Variants in MMP26 observed in about 807,000 individuals in gnomAD.
MMP26 encodes matrix metalloproteinase-26.
Under a neutral mutation model 31.0 loss-of-function variants are expected in MMP26, and 33 were observed. That is an observed-to-expected ratio of 1.06 (90% CI 0.81 to 1.42). MMP26 has a LOEUF of 1.42. Ranked by LOEUF, MMP26 falls within the 40% of genes most tolerant of loss-of-function variation. The pLI, the probability that MMP26 is intolerant of heterozygous loss-of-function variation, is 0.00. For missense variants in MMP26, 347 were observed against 316.1 expected, an observed-to-expected ratio of 1.10 and a Z score of -0.74; for synonymous variants, 122 against 114.9, an observed-to-expected ratio of 1.06 and a Z score of -0.40.
At chr11:4,868,940 C>A (rs1850275183) in intron 2 of MMP26, among the ~76,000 whole-genome samples, 1 of 152,112 alleles carries the variant, frequency 6.6e-6, no homozygotes, top group South Asian at 2.1e-4. Context: ...TGATCTTTGA[C>A]AAACCTGACA....
chr11:4,944,084 C>T, intron 2 of MMP26: 1 of 453,290 alleles, frequency 2.2e-6, no homozygotes, highest in Non-Finnish European at 4.4e-6. Flanking sequence ...TGTACTACAA[C>T]CCCAAACCCA....
At chr11:4,943,633 AACCGAAG>A in intron 2 of MMP26, 1 of 368,568 alleles carries the variant, frequency 2.7e-6, no homozygotes, top group South Asian at 2.1e-5. Flanking sequence ...AGGTTGCAAC[AACCGAAG>A]ATGTCCCCAG....
intron 2 of MMP26, among the ~76,000 whole-genome samples, chr11:4,785,286 C>T (rs1367346669): frequency 1.3e-5 from 2 of 152,302 alleles, no homozygotes; most frequent in Non-Finnish European, 1.5e-5. Flanking sequence ...TATTTATCCT[C>T]TCTCTTAAGT....
intron 1 of MMP26, among the ~76,000 whole-genome samples, chr11:4,749,409 T>A (rs1173281637): frequency 6.6e-6 from 1 of 151,828 alleles, no homozygotes; most frequent in Non-Finnish European, 1.5e-5. Context: ...CAAAAATCAT[T>A]TTTTTCACAG....
At chr11:4,728,480 A>G (rs1287177696) in intron 1 of MMP26, among the ~76,000 whole-genome samples, 1 of 152,162 alleles carries the variant, frequency 6.6e-6, no homozygotes, top group Non-Finnish European at 1.5e-5. Context: ...CTGAAGGGCC[A>G]TTTCAGCCCT....
intron 1 of MMP26, among the ~76,000 whole-genome samples, chr11:4,732,842 C>T (rs970708949): frequency 3.9e-5 from 6 of 152,200 alleles, no homozygotes; most frequent in Admixed American, 6.5e-5. Context: ...ATGGTTCCAT[C>T]ACATTTTGTA....
In MMP26 at chr11:4,929,215, A is replaced by T. The variant is rs190949710; in HGVS notation, c.-144-58853A>T. 3.9e-5 allele frequency among the ~76,000 whole-genome samples: 6 copies of T among 152,236 alleles called. 1 individual carries two copies. Among genetic ancestry groups the T allele is most frequent in the Admixed American group, 1.3e-4 (2 of 15,250 alleles). On this transcript the variant is annotated intron_variant, in intron 2 of 7. Transcript: ENST00000380390. Reference sequence around the variant, plus strand: ...ACTTTAAGTTTTAGGGTACATGTGCACAACACATCATTTATGGGAATGGTA... The same window carrying T: ...ACTTTAAGTTTTAGGGTACATGTGCTCAACACATCATTTATGGGAATGGTA...
At position 4,817,545 on chromosome 11, in the gene MMP26, C is replaced by T. The variant is rs548061907; in HGVS notation, c.-145+50204C>T. On this transcript the variant is annotated intron_variant, in intron 2 of 7. Coordinates refer to ENST00000380390, the MANE Select transcript of MMP26 (RefSeq NM_021801.5). ...AAGGCTGCAGTGAGCCATGATTCTG[C>T]CATTGCACTCCATTCTGGGCAACAG... 4.6e-5 allele frequency among the ~76,000 whole-genome samples: 7 copies of T among 152,168 alleles called. No homozygotes were observed. The South Asian group carries it at 1.5e-3, about 32-fold the overall frequency.
At chr11:4,761,719 A>G (rs1848570798) in intron 1 of MMP26, among the ~76,000 whole-genome samples, 5 of 152,178 alleles carry the variant, frequency 3.3e-5, no homozygotes, top group South Asian at 2.1e-4. Context: ...TTGTTCTGCT[A>G]TATGTTTCTT....
In MMP26 at chr11:4,990,668, T is replaced by C. The variant is rs750635697; in HGVS notation, c.391T>C (p.Trp131Arg). Residue 131 changes from tryptophan to arginine, a missense_variant, in exon 5 of 8, where the codon TGG becomes CGG. By Grantham distance (101) the Trp-to-Arg change is moderately radical. Transcript: ENST00000380390. Reference protein sequence around the residue: ...KDSIYNAVSIWSNVTPLIFQQ... With the variant: ...KDSIYNAVSIRSNVTPLIFQQ... ...CAGTATATATAATGCAGTTTCCATC[T>C]GGAGCAATGTGACCCCTTTGATATT... is the stretch of plus-strand genomic sequence containing the variant. 11 of 1,614,042 alleles carry C rather than the reference T, an allele frequency of 6.8e-6. No individual in the cohort carries two copies. The Admixed American group carries it at 1.8e-4, about 27-fold the overall frequency.
In MMP26 at chr11:4,992,392, C is replaced by A. The variant is rs1173370197; in HGVS notation, c.*150C>A. On this transcript the variant is annotated 3_prime_UTR_variant, in exon 8 of 8. Coordinates refer to ENST00000380390, the MANE Select transcript of MMP26 (RefSeq NM_021801.5). ...AGGTTAGCTGAACCGACACTCAAAA[C>A]GCTACTGAGTCACAATAAAGATTGT... 3.0e-6 allele frequency: 2 copies of A among 666,618 alleles called. No homozygotes were observed. Among genetic ancestry groups the A allele is most frequent in the Non-Finnish European group, 5.2e-6 (2 of 383,676 alleles). The allele number at this position is 666,618 out of a possible 1,614,324, so 41.3% of individuals were successfully genotyped here.
At chr11:4,953,269 T>C (rs1412565819) in intron 2 of MMP26, among the ~76,000 whole-genome samples, 2 of 125,586 alleles carry the variant, frequency 1.6e-5, no homozygotes, top group Non-Finnish European at 3.6e-5. Context: ...CATGGTCTTA[T>C]TTTTAAAATC....
chr11:4,776,159 G>T (rs1848788618), intron 2 of MMP26, among the ~76,000 whole-genome samples: 1 of 152,024 alleles, frequency 6.6e-6, no homozygotes, highest in Non-Finnish European at 1.5e-5. Context: ...GTATTCCATT[G>T]TGCACATATG....
At chr11:4,958,302 G>A (rs1846471825) in intron 2 of MMP26, among the ~76,000 whole-genome samples, 2 of 152,122 alleles carry the variant, frequency 1.3e-5, no homozygotes, top group African/African-American at 2.4e-5. Context: ...TCTTGCTAGC[G>A]CGAACAATAA....
intron 1 of MMP26, among the ~76,000 whole-genome samples, chr11:4,731,907 A>G (rs745668424): frequency 5.3e-5 from 8 of 152,190 alleles, no homozygotes; most frequent in Non-Finnish European, 1.2e-4. Flanking sequence ...ATCGGGAGGC[A>G]TGGTAGACTA....
chr11:4,987,899 C>T (rs994609295), intron 2 of MMP26, among the ~76,000 whole-genome samples, 169 bp from the exon 3 acceptor site: 1 of 151,408 alleles, frequency 6.6e-6, no homozygotes, highest in Non-Finnish European at 1.5e-5. Context: ...TCTTGTTTTC[C>T]CCCCTATTTT....
intron 2 of MMP26, among the ~76,000 whole-genome samples, chr11:4,853,006 C>T (rs1437437091): frequency 1.3e-5 from 2 of 152,048 alleles, no homozygotes; most frequent in Non-Finnish European, 2.9e-5. Context: ...CAAAGTCAAA[C>T]TCATAGAAAC....
intron 2 of MMP26, among the ~76,000 whole-genome samples, chr11:4,927,657 G>T (rs1434739165): frequency 6.6e-6 from 1 of 152,062 alleles, no homozygotes; most frequent in Non-Finnish European, 1.5e-5. Flanking sequence ...GGAGAGAAAA[G>T]GGCTTGGAGG....
intron 2 of MMP26, among the ~76,000 whole-genome samples, chr11:4,957,469 C>A (rs1405211694): frequency 1.3e-5 from 2 of 152,142 alleles, no homozygotes; most frequent in African/African-American, 4.8e-5. Flanking sequence ...TGTAATTGGG[C>A]AGCATAGCTT....
Sources: allele counts gnomAD v4.1 joint callset (sites outside exome capture counted in the v4.1 genomes callset), GRCh38; gene constraint gnomAD v4.1.1; transcripts MANE v1.5; gene names NCBI Gene and HGNC (gene_info 2026-07-23, HGNC 2026-07-21).